RIMS1: variants seen among roughly 807,000 people sequenced by gnomAD.
RIMS1 encodes regulating synaptic membrane exocytosis 1, also known as regulating synaptic membrane exocytosis protein 1.
RIMS1 carries 83 observed loss-of-function variants against 214.1 expected under a neutral mutation model. That is an observed-to-expected ratio of 0.39 (90% CI 0.32 to 0.47). The LOEUF (loss-of-function observed/expected upper bound fraction) is 0.47, where lower values mean the gene tolerates loss of function less well. Among genes scored for constraint, RIMS1 ranks in the 20% least tolerant of loss-of-function variants. RIMS1 has a pLI of 0.99. For synonymous variants in RIMS1, 793 were observed against 786.8 expected, an observed-to-expected ratio of 1.01 and a Z score of -0.13; for missense variants, 2,050 against 2,161.8, an observed-to-expected ratio of 0.95 and a Z score of 1.03.
intron 4 of RIMS1, among the ~76,000 whole-genome samples, chr6:72,122,200 CTT>C (rs536980610): frequency 1.5e-5 from 1 of 64,632 alleles, no homozygotes; most frequent in East Asian, 7.8e-4. Flanking sequence ...CCCTCTTTTC[CTT>C]TTTTCTTTTT....
chr6:71,931,520 G>A (rs1783035717), intron 1 of RIMS1, among the ~76,000 whole-genome samples: 2 of 151,832 alleles, frequency 1.3e-5, no homozygotes, highest in South Asian at 4.1e-4. Context: ...ACATGCCACG[G>A]ATTTTTTCTT....
chr6:72,086,638 A>G (rs989446324), intron 2 of RIMS1, among the ~76,000 whole-genome samples: 5 of 152,148 alleles, frequency 3.3e-5, no homozygotes, highest in Non-Finnish European at 7.4e-5. Flanking sequence ...ACCTCAGTAG[A>G]TGTTTGTTGA....
At chr6:72,054,376 G>A (rs1182364823) in intron 2 of RIMS1, among the ~76,000 whole-genome samples, 2 of 152,098 alleles carry the variant, frequency 1.3e-5, no homozygotes, top group Non-Finnish European at 2.9e-5. Context: ...AAACAGTGCT[G>A]CAATAAACAT....
chr6:72,023,524 T>C (rs180888027), intron 2 of RIMS1, among the ~76,000 whole-genome samples: 18 of 152,196 alleles, frequency 1.2e-4, no homozygotes, highest in Admixed American at 2.0e-4. Context: ...TGATAAAACT[T>C]TTTTTCTAGT....
intron 2 of RIMS1, among the ~76,000 whole-genome samples, chr6:72,014,078 CAA>C (rs1811841257): frequency 6.6e-6 from 1 of 152,142 alleles, no homozygotes; most frequent in South Asian, 2.1e-4. Flanking sequence ...ATTTATAAAG[CAA>C]AGAGGTTTGA....
intron 26 of RIMS1, among the ~76,000 whole-genome samples, chr6:72,306,736 G>A (rs2095207402): frequency 6.6e-6 from 1 of 151,992 alleles, no homozygotes; most frequent in South Asian, 2.1e-4. Context: ...GAGAAGCCAC[G>A]GACAGAAATT....
chr6:72,144,554 A>G (rs2042475168), intron 4 of RIMS1, among the ~76,000 whole-genome samples: 1 of 152,070 alleles, frequency 6.6e-6, no homozygotes, highest in Non-Finnish European at 1.5e-5. Flanking sequence ...TGGTGGCTAC[A>G]GTTGTGCCTG....
At chr6:72,210,862 A>G (rs561112086) in intron 6 of RIMS1, among the ~76,000 whole-genome samples, 31 of 152,298 alleles carry the variant, frequency 2.0e-4, no homozygotes, top group African/African-American at 7.2e-4. Flanking sequence ...TATAGTTGAT[A>G]CTCAGAATTT....
Position 72,371,666 on chromosome 6 carries a change from G to A in RIMS1, c.4367-18932G>A, listed in dbSNP as rs546548635. Among the ~76,000 whole-genome samples the A allele has an allele frequency of 1.2e-4, 18 of 152,268 alleles. No individual in the cohort carries two copies. In the East Asian group the frequency reaches 2.5e-3, roughly 21 times the overall value. On this transcript the variant is annotated intron_variant, in intron 29 of 33. Coordinates refer to ENST00000521978, the MANE Select transcript of RIMS1 (RefSeq NM_014989.7). Reference sequence around the variant, plus strand: ...ACAGAAATGTAGTTTGTTAGGTCACGTCCTGAAGTGCTGGCCAGCATTCAA... The same window carrying A: ...ACAGAAATGTAGTTTGTTAGGTCACATCCTGAAGTGCTGGCCAGCATTCAA...
intron 2 of RIMS1, among the ~76,000 whole-genome samples, chr6:72,003,941 C>T (rs1806327951): frequency 6.7e-6 from 1 of 150,182 alleles, no homozygotes; most frequent in South Asian, 2.1e-4. Context: ...CATATGTATA[C>T]ATGTGCCATG....
chr6:72,218,434 T>C (rs117315370), intron 6 of RIMS1, among the ~76,000 whole-genome samples: 1,974 of 152,324 alleles, frequency 0.013, 19 homozygotes, highest in Non-Finnish European at 0.019. Context: ...GAAGGCAAGC[T>C]CAAAATCCAA....
At chr6:72,079,815 T>C (rs576283033) in intron 2 of RIMS1, among the ~76,000 whole-genome samples, 2 of 151,556 alleles carry the variant, frequency 1.3e-5, no homozygotes, top group African/African-American at 4.8e-5. Context: ...AGCCAGGCGA[T>C]TGAGGCTACA....
chr6:72,338,707 A>G (rs2096933892), intron 29 of RIMS1, among the ~76,000 whole-genome samples: 1 of 152,084 alleles, frequency 6.6e-6, no homozygotes, highest in African/African-American at 2.4e-5. Flanking sequence ...CAAAACACAC[A>G]AGACATACTA....
intron 4 of RIMS1, among the ~76,000 whole-genome samples, chr6:72,119,984 C>T (rs973885049): frequency 2.0e-5 from 3 of 151,750 alleles, no homozygotes; most frequent in Non-Finnish European, 2.9e-5. Flanking sequence ...GACATGAACT[C>T]ATCATTTTTT....
chr6:72,000,927 T>A (rs1036672369), intron 2 of RIMS1, among the ~76,000 whole-genome samples: 1 of 152,154 alleles, frequency 6.6e-6, no homozygotes, highest in Non-Finnish European at 1.5e-5. Flanking sequence ...TAACTACTAT[T>A]ATGTTGCACA....
At position 72,398,350 on chromosome 6, in the gene RIMS1, G is replaced by T. The variant is rs2098802652; in HGVS notation, c.4720G>T (p.Ala1574Ser). 1 of 1,581,142 alleles carries T rather than the reference G, an allele frequency of 6.3e-7. No homozygotes were observed. Among genetic ancestry groups the T allele is most frequent in the Non-Finnish European group, 8.6e-7 (1 of 1,158,862 alleles). The change falls in exon 32 of 34, where the codon GCT (alanine) becomes TCT (serine). Residue 1574 changes from alanine (A) to serine (S), a missense_variant and splice_region_variant. Coordinates refer to ENST00000521978, the MANE Select transcript of RIMS1 (RefSeq NM_014989.7). ...TQKPGSKSTP[A>S]PYVKVYLLEN... The stretch of plus-strand genomic sequence containing the variant: ...AAAGCCTGGTTCCAAATCTACACCT[G>T]GTAAGGAGAAGTATTCCTGAATTTG...
rs555588511 is a variant in RIMS1, at chr6:72,026,457, C to A, written c.245+57394C>A. Among the ~76,000 whole-genome samples, 10 of 45,764 alleles carry A rather than the reference C, an allele frequency of 2.2e-4. 1 individual carries two copies. Among genetic ancestry groups the A allele is most frequent in the South Asian group, 2.3e-3 (2 of 872 alleles). The allele number at this position is 45,764 out of a possible 152,430, so 30.0% of individuals were successfully genotyped here. On this transcript the variant is annotated intron_variant, in intron 2 of 33. Transcript: ENST00000521978. The stretch of plus-strand genomic sequence containing the variant: ...ATGTATTCTTCTCCCCCAGCACCGC[C>A]CCCCCCCCCAACTTTTTTTTTTCAA...
At chr6:72,384,581 G>C (rs2098552770) in intron 29 of RIMS1, among the ~76,000 whole-genome samples, 1 of 152,014 alleles carries the variant, frequency 6.6e-6, no homozygotes, top group Admixed American at 6.6e-5. Flanking sequence ...CTCCTATTCA[G>C]CCTCCTTGAC....
chr6:72,164,666 T>C (rs973192308), intron 4 of RIMS1, among the ~76,000 whole-genome samples: 2 of 152,200 alleles, frequency 1.3e-5, no homozygotes, highest in Non-Finnish European at 2.9e-5. Flanking sequence ...TATTAGACAG[T>C]TCCAGCTGCT....
Sources: gnomAD v4.1 joint callset for allele counts (sites outside exome capture counted in the v4.1 genomes callset) on GRCh38, gnomAD v4.1.1 for gene constraint, MANE v1.5 for transcripts, NCBI Gene and HGNC (gene_info 2026-07-23, HGNC 2026-07-21) for gene names.